The following ZNF547 variants were observed in gnomAD, a reference collection of about 807,000 sequenced individuals.
ZNF547 encodes zinc finger protein 547.
Under a neutral mutation model 7.7 loss-of-function variants are expected in ZNF547, and 4 were observed. The ratio of observed to expected loss-of-function variants is 0.52; its 90% CI spans 0.26 to 1.20. The LOEUF (loss-of-function observed/expected upper bound fraction) is 1.20, where lower values mean the gene tolerates loss of function less well. ZNF547 is among the 50% of genes most tolerant of loss of function. The pLI, the probability that ZNF547 is intolerant of heterozygous loss-of-function variation, is 0.14. For missense variants in ZNF547, 449 were observed against 485.8 expected (o/e 0.92, Z 0.71); for synonymous variants, 166 against 166.2 (o/e 1.00, Z 0.01).
At position 57,379,238 on chromosome 19, in the gene ZNF547, T is replaced by A. The variant is rs1268115470; in HGVS notation, c.*1053T>A. 6.6e-6 allele frequency: 1 copy of A among 152,274 alleles called. No individual in the cohort carries two copies. Among genetic ancestry groups the A allele is most frequent in the African/African-American group, 2.4e-5 (1 of 41,466 alleles). 9.4% of individuals were successfully genotyped at this position (152,274 alleles called of 1,614,324 possible). ...ACATGGTACTTCTAACTTTAATTCT[T>A]TGATGAACTGAGAAACTTTTCCATA... On this transcript the variant is annotated 3_prime_UTR_variant, in exon 4 of 4. Coordinates refer to ENST00000282282, the MANE Select transcript of ZNF547 (RefSeq NM_173631.4).
intron 2 of ZNF547, among the ~76,000 whole-genome samples, chr19:57,369,783 C>T (rs1201237627): frequency 6.6e-6 from 1 of 151,160 alleles, no homozygotes; most frequent in South Asian, 2.1e-4. Context: ...AGTTGCTAAG[C>T]ATCAGTTGGA....
Position 57,377,486 on chromosome 19 carries a change from ACTTT to A in ZNF547, c.513_516del (p.Ser172ThrfsTer163). ...GGAAAGCCTTTAGCCACAAACATAA[ACTTT>A]CTGACCATCAGAAAATCCACACTGG... On this transcript the variant is annotated frameshift_variant, in exon 4 of 4. Transcript: ENST00000282282. LOFTEE classifies it low-confidence loss of function (END_TRUNC). 1 of 1,614,054 alleles carries A rather than the reference ACTTT, an allele frequency of 6.2e-7. No individual in the cohort carries two copies. The highest frequency in any genetic ancestry group is 8.5e-7 in the Non-Finnish European group (1 of 1,180,000).
chr19:57,364,834 A>C (rs771253311), intron 1 of ZNF547: 1 of 1,603,988 alleles, frequency 6.2e-7, no homozygotes, highest in Non-Finnish European at 8.5e-7. Flanking sequence ...ATTGAAGACC[A>C]TGTCTGGAAG....
At position 57,377,902 on chromosome 19, in the gene ZNF547, C is replaced by A; in HGVS notation, c.926C>A (p.Ser309Tyr). The A allele has an allele frequency of 6.2e-7, 1 of 1,614,096 alleles. No individual in the cohort carries two copies. Among genetic ancestry groups the A allele is most frequent in the Middle Eastern group, 1.6e-4 (1 of 6,062 alleles). The change falls in exon 4 of 4, where the codon TCT (serine) becomes TAT (tyrosine). Residue 309 changes from serine (S) to tyrosine (Y), a missense_variant. Ser to Tyr is a moderately radical substitution (Grantham distance 144). Coordinates refer to ENST00000282282, the MANE Select transcript of ZNF547 (RefSeq NM_173631.4). ...SECGKFFMERSTLSRHQRVHT... is the reference protein window; with the variant it reads ...SECGKFFMERYTLSRHQRVHT... The stretch of plus-strand genomic sequence containing the variant: ...TGTGGGAAATTCTTTATGGAAAGGT[C>A]TACACTCAGTAGACATCAGAGAGTT...
chr19:57,364,835 T>C, intron 1 of ZNF547: 1 of 1,604,546 alleles, frequency 6.2e-7, no homozygotes, highest in Non-Finnish European at 8.5e-7. Context: ...TTGAAGACCA[T>C]GTCTGGAAGC....
At chr19:57,368,670 C>G (rs2088486153) in intron 2 of ZNF547, 91 bp downstream of exon 2, 4 of 1,233,258 alleles carry the variant, frequency 3.2e-6, no homozygotes, top group African/African-American at 1.5e-5. Context: ...TCCAGAGACT[C>G]TCTTTCTGTC....
In ZNF547 at chr19:57,371,834, G is replaced by T. The variant is rs367804609; in HGVS notation, c.77G>T (p.Gly26Val). ...ATATATTTCTCCCAGGAGGAGTGGG[G>T]GCATCTCGATGAGGCTCAGAGATTG... Reference protein sequence around the residue: ...VAIYFSQEEWGHLDEAQRLLY... With the variant: ...VAIYFSQEEWVHLDEAQRLLY... The change falls in exon 3 of 4, where the codon GGG (glycine) becomes GTG (valine). Residue 26 changes from glycine to valine, a missense_variant. Coordinates refer to ENST00000282282, the MANE Select transcript of ZNF547 (RefSeq NM_173631.4). 4 of 1,613,568 alleles carry T rather than the reference G, an allele frequency of 2.5e-6. No homozygotes were observed. The South Asian group carries it at 4.4e-5, about 18-fold the overall frequency.
In ZNF547 at chr19:57,368,552, G is replaced by A; in HGVS notation, c.-4G>A. The A allele has an allele frequency of 6.2e-7, 1 of 1,614,058 alleles. No individual in the cohort carries two copies. The highest frequency in any genetic ancestry group is 8.5e-7 in the Non-Finnish European group (1 of 1,179,986). Reference sequence around the variant, plus strand: ...TTTCCCTCTTCCTTCAGGGTCCCCTGGCGATGGCAGAAATGAACCCTGCAC... The same window carrying A: ...TTTCCCTCTTCCTTCAGGGTCCCCTAGCGATGGCAGAAATGAACCCTGCAC... On this transcript the variant is annotated 5_prime_UTR_variant, in exon 2 of 4. Coordinates refer to ENST00000282282, the MANE Select transcript of ZNF547 (RefSeq NM_173631.4).
In ZNF547 at chr19:57,377,356, A is replaced by C; in HGVS notation, c.380A>C (p.Glu127Ala). Residue 127 changes from glutamate to alanine, a missense_variant, in exon 4 of 4, where the codon GAG becomes GCG. Transcript: ENST00000282282. ...CPAHLHQHQKEQIREKLSRGD... is the reference protein window; with the variant it reads ...CPAHLHQHQKAQIREKLSRGD... Reference sequence around the variant, plus strand: ...GCACATCTTCACCAGCACCAAAAGGAGCAGATTAGAGAGAAACTTTCTAGA... The same window carrying C: ...GCACATCTTCACCAGCACCAAAAGGCGCAGATTAGAGAGAAACTTTCTAGA... 2 of 1,614,210 alleles carry C rather than the reference A, an allele frequency of 1.2e-6. No individual in the cohort carries two copies. The highest frequency in any genetic ancestry group is 2.7e-5 in the African/African-American group (2 of 75,062).
At chr19:57,364,705 C>T (rs1472735797) in intron 1 of ZNF547, 1 of 774,512 alleles carries the variant, frequency 1.3e-6, no homozygotes, top group Non-Finnish European at 2.1e-6. Flanking sequence ...CGCGCCATTG[C>T]ACTCCAGCCT....
At chr19:57,374,547 C>G (rs535200384) in intron 3 of ZNF547, among the ~76,000 whole-genome samples, 34 of 152,268 alleles carry the variant, frequency 2.2e-4, no homozygotes, top group Non-Finnish European at 4.0e-4. Flanking sequence ...TCTGCAGCAG[C>G]CTTGAATTTC....
chr19:57,365,083 A>G, intron 1 of ZNF547: 3 of 1,609,592 alleles, frequency 1.9e-6, no homozygotes, highest in Non-Finnish European at 1.7e-6. Context: ...TATGAGGTTT[A>G]TTATGCTTCA....
In ZNF547 at chr19:57,377,421, G is replaced by A. The variant is rs1428834225; in HGVS notation, c.445G>A (p.Val149Ile). 17 of 1,614,146 alleles carry A rather than the reference G, an allele frequency of 1.1e-5. No individual in the cohort carries two copies. The highest frequency in any genetic ancestry group is 1.7e-5 in the Admixed American group (1 of 60,008). The change falls in exon 4 of 4, where the codon GTT becomes ATT. Residue 149 changes from valine (V) to isoleucine (I), a missense_variant. Val to Ile is a conservative substitution (Grantham distance 29). Transcript: ENST00000282282. Reference sequence around the variant, plus strand: ...ACCGACATTTGTGAAGAACCACAGAGTTCACATGGCAGGGAAGACCTTCTT... The same window carrying A: ...ACCGACATTTGTGAAGAACCACAGAATTCACATGGCAGGGAAGACCTTCTT... Reference protein sequence around the residue: ...GRPTFVKNHRVHMAGKTFLCS... With the variant: ...GRPTFVKNHRIHMAGKTFLCS...
intron 3 of ZNF547, 127 bp from the exon 4 acceptor site, chr19:57,377,001 T>C (rs1358540379): frequency 5.2e-6 from 5 of 956,300 alleles, no homozygotes; most frequent in Non-Finnish European, 7.7e-6. Context: ...CCTGCCACAG[T>C]ACCAGGGTTC....
At position 57,364,569 on chromosome 19, in the gene ZNF547, C is replaced by T. The variant is rs560281715; in HGVS notation, c.-13+866C>T. The T allele has an allele frequency of 6.0e-4, 308 of 516,678 alleles. 3 individuals are homozygous for T. The highest frequency in any genetic ancestry group is 4.1e-3 in the African/African-American group (213 of 52,284). 32.0% of individuals were successfully genotyped at this position (516,678 alleles called of 1,614,324 possible). A position where few individuals can be genotyped will look rare whatever the true frequency, so the allele number is the denominator to read the frequency against. ...CAGCCTGACCAACATGGTGAAACCCCGTCTTTAGTAAAAATACAAAAATTA... is the reference window on the plus strand; with the variant it reads ...CAGCCTGACCAACATGGTGAAACCCTGTCTTTAGTAAAAATACAAAAATTA... On this transcript the variant is annotated intron_variant, in intron 1 of 3. Coordinates refer to ENST00000282282, the MANE Select transcript of ZNF547 (RefSeq NM_173631.4).
intron 1 of ZNF547, among the ~76,000 whole-genome samples, chr19:57,367,425 A>AG (rs966299536): frequency 1.4e-5 from 2 of 146,468 alleles, no homozygotes; most frequent in Non-Finnish European, 3.0e-5. Context: ...GGTTTGTTCA[A>AG]GAAAAAAAAA....
chr19:57,367,952 C>T (rs1262801038), intron 1 of ZNF547: 2 of 152,302 alleles, frequency 1.3e-5, no homozygotes, highest in African/African-American at 4.8e-5. Flanking sequence ...CCTACCTGCT[C>T]AGCCCTTCCC....
intron 3 of ZNF547, among the ~76,000 whole-genome samples, chr19:57,374,585 A>G (rs956815251): frequency 3.9e-5 from 6 of 152,348 alleles, no homozygotes; most frequent in South Asian, 2.1e-4. Flanking sequence ...TTTCTTTTCT[A>G]TTGCATAGCC....
chr19:57,365,803 G>A (rs1369886226), intron 1 of ZNF547, among the ~76,000 whole-genome samples: 1 of 150,704 alleles, frequency 6.6e-6, no homozygotes, highest in Non-Finnish European at 1.5e-5. Flanking sequence ...CACCACTCCC[G>A]GCCATGAAAT....
Sources: allele counts gnomAD v4.1 joint callset (sites outside exome capture counted in the v4.1 genomes callset), GRCh38; gene constraint gnomAD v4.1.1; transcripts MANE v1.5; gene names NCBI Gene and HGNC (gene_info 2026-07-23, HGNC 2026-07-21).